Variants in C3orf20 observed in about 807,000 individuals in gnomAD.
C3orf20 encodes the protein family with sequence similarity 149 member C.
C3orf20 carries 76 observed loss-of-function variants against 88.3 expected under a neutral mutation model. That is an observed-to-expected ratio of 0.86 (90% CI 0.72 to 1.04). C3orf20 has a LOEUF of 1.04. Ranked by LOEUF, C3orf20 falls within the 50% of genes least tolerant of loss-of-function variation. The probability of loss-of-function intolerance (pLI) is 0.00; values close to 1 mark genes in which losing one functional copy is unlikely to be tolerated. For synonymous variants in C3orf20, 436 were observed against 437.4 expected, an observed-to-expected ratio of 1.00 and a Z score of 0.04; for missense variants, 1,056 against 1,123.3, an observed-to-expected ratio of 0.94 and a Z score of 0.86.
chr3:14,752,938 T>C (rs1009000631), intron 12 of C3orf20, among the ~76,000 whole-genome samples: 23 of 152,148 alleles, frequency 1.5e-4, no homozygotes, highest in Admixed American at 1.4e-3. Flanking sequence ...GGCAATTCCT[T>C]AAGGATCTAG....
At chr3:14,735,839 C>T (rs1333248619) in intron 12 of C3orf20, among the ~76,000 whole-genome samples, 1 of 152,182 alleles carries the variant, frequency 6.6e-6, no homozygotes, top group African/African-American at 2.4e-5. Context: ...AAGTGATCCA[C>T]CTGCCTCAGC....
chr3:14,713,528 A>G (rs533728344), intron 7 of C3orf20, among the ~76,000 whole-genome samples: 3 of 152,336 alleles, frequency 2.0e-5, no homozygotes, highest in African/African-American at 7.2e-5. Flanking sequence ...TTGATTGGTC[A>G]GAAGTGGGAG....
At chr3:14,761,071 C>G (rs532870366) in intron 14 of C3orf20, among the ~76,000 whole-genome samples, 1 of 152,082 alleles carries the variant, frequency 6.6e-6, no homozygotes, top group Non-Finnish European at 1.5e-5. Flanking sequence ...TAAGCTGAAA[C>G]GTACATACAC....
rs767835959 is a variant in C3orf20 at position 14,704,613 on chromosome 3, C to T, written c.1155C>T (p.Phe385=). 8.1e-6 allele frequency: 13 copies of T among 1,612,888 alleles called. No homozygotes were observed. Among genetic ancestry groups the T allele is most frequent in the Admixed American group, 6.7e-5 (4 of 60,002 alleles). ...ACACCTTCTATGATGGCTCCTCCTT[C>T]GTTTAGTATCCTTTTATTTGGTACC... ...FHYTFYDGSS[F]VYYPSGNVAV... is the part of the protein sequence containing the mutation. The change falls in exon 7 of 17, where the codon TTC becomes TTT. Residue 385 remains phenylalanine (F), a synonymous_variant. Coordinates refer to ENST00000253697, the MANE Select transcript of C3orf20 (RefSeq NM_032137.5).
At chr3:14,719,966 C>G (rs2034088018) in intron 9 of C3orf20, among the ~76,000 whole-genome samples, 1 of 152,186 alleles carries the variant, frequency 6.6e-6, no homozygotes, top group South Asian at 2.1e-4. Flanking sequence ...TACTACATCT[C>G]TCTAGAAGGA....
At chr3:14,766,614 A>G (rs1334925906) in intron 15 of C3orf20, among the ~76,000 whole-genome samples, 2 of 152,194 alleles carry the variant, frequency 1.3e-5, no homozygotes, top group Non-Finnish European at 2.9e-5. Flanking sequence ...GCAGGCCCCT[A>G]TCTGTGCCAG....
At chr3:14,740,660 T>C (rs1354168760) in intron 12 of C3orf20, among the ~76,000 whole-genome samples, 4 of 152,168 alleles carry the variant, frequency 2.6e-5, no homozygotes, top group Admixed American at 2.0e-4. Flanking sequence ...AGTATGTCTG[T>C]ATTTCTTGTT....
chr3:14,679,696 G>T (rs889959367), intron 1 of C3orf20, among the ~76,000 whole-genome samples: 2 of 152,138 alleles, frequency 1.3e-5, no homozygotes, highest in Non-Finnish European at 2.9e-5. Flanking sequence ...CCTTCAAACA[G>T]ATTTCTCAGG....
intron 7 of C3orf20, among the ~76,000 whole-genome samples, chr3:14,707,445 T>TTGTGTG (rs36047273): frequency 0.015 from 2,090 of 136,408 alleles, 25 homozygotes; most frequent in African/African-American, 0.03. Context: ...GCATCTTTTC[T>TTGTGTG]TGTGTGTGTG....
At chr3:14,710,699 A>G (rs2033701142) in intron 7 of C3orf20, among the ~76,000 whole-genome samples, 1 of 151,872 alleles carries the variant, frequency 6.6e-6, no homozygotes, top group African/African-American at 2.4e-5. Context: ...ACCAAAGGAG[A>G]TACTTTCTAT....
chr3:14,738,260 C>T (rs969597419), intron 12 of C3orf20, among the ~76,000 whole-genome samples: 7 of 150,954 alleles, frequency 4.6e-5, no homozygotes, highest in Admixed American at 2.6e-4. Context: ...CTCTGCCCCC[C>T]GGGTTCAAGC....
intron 1 of C3orf20, among the ~76,000 whole-genome samples, chr3:14,678,973 C>G (rs1189840085): frequency 6.6e-6 from 1 of 151,906 alleles, no homozygotes; most frequent in African/African-American, 2.4e-5. Context: ...ATCTGCTGCT[C>G]TCCCACGGAT....
chr3:14,728,344 G>A, intron 11 of C3orf20, 95 bp from the exon 12 acceptor site: 1 of 1,496,368 alleles, frequency 6.7e-7, no homozygotes, highest in Non-Finnish European at 9.2e-7. Context: ...AGATGGGGGT[G>A]AGCCAAGGTG....
chr3:14,684,016 C>G (rs150977117), intron 3 of C3orf20, among the ~76,000 whole-genome samples: 3 of 152,072 alleles, frequency 2.0e-5, no homozygotes. Context: ...CATCGGTACC[C>G]AGGCCTATGG....
chr3:14,737,568 G>A (rs1331113452), intron 12 of C3orf20, among the ~76,000 whole-genome samples: 3 of 152,234 alleles, frequency 2.0e-5, no homozygotes, highest in Non-Finnish European at 4.4e-5. Flanking sequence ...ATGCACATCT[G>A]AGACTTCAGC....
chr3:14,683,237 C>A, intron 3 of C3orf20, 40 bp downstream of exon 3: 1 of 1,522,120 alleles, frequency 6.6e-7, no homozygotes. Context: ...ACCACACCCA[C>A]TACAGACGGG....
chr3:14,680,585 T>C (rs1034051784), intron 1 of C3orf20, among the ~76,000 whole-genome samples: 3 of 152,204 alleles, frequency 2.0e-5, no homozygotes, highest in African/African-American at 7.2e-5. Flanking sequence ...TATACAACTC[T>C]GAATATACTA....
intron 7 of C3orf20, among the ~76,000 whole-genome samples, chr3:14,710,519 C>A (rs925123578): frequency 6.6e-6 from 1 of 151,990 alleles, no homozygotes; most frequent in Non-Finnish European, 1.5e-5. Context: ...CTTTGCCTTT[C>A]TTCCATAAGT....
intron 9 of C3orf20, among the ~76,000 whole-genome samples, chr3:14,717,552 T>TTTA (rs1030688119): frequency 3.9e-5 from 6 of 152,124 alleles, no homozygotes; most frequent in Non-Finnish European, 7.4e-5. Flanking sequence ...GAGGTATGTA[T>TTTA]GGTGTCAGGT....
Sources: allele counts gnomAD v4.1 joint callset (sites outside exome capture counted in the v4.1 genomes callset), GRCh38; gene constraint gnomAD v4.1.1; transcripts MANE v1.5; gene names NCBI Gene and HGNC (gene_info 2026-07-23, HGNC 2026-07-21).